LARGE1: variants seen among roughly 807,000 people sequenced by gnomAD.
LARGE1 encodes the protein xylosyl- and glucuronyltransferase LARGE1.
A neutral mutation model predicts 87.6 loss-of-function variants in LARGE1; 43 were observed. That is an observed-to-expected ratio of 0.49 (90% CI 0.38 to 0.63). The LOEUF is 0.63. Among genes scored for constraint, LARGE1 ranks in the 30% least tolerant of loss-of-function variants. The pLI is 0.00. For missense variants in LARGE1, 802 were observed against 1,000.2 expected, an observed-to-expected ratio of 0.80 and a Z score of 2.67; for synonymous variants, 434 against 394.6, an observed-to-expected ratio of 1.10 and a Z score of -1.18.
chr22:33,289,987 G>A (rs566194084), intron 12 of LARGE1, among the ~76,000 whole-genome samples: 2 of 152,236 alleles, frequency 1.3e-5, no homozygotes, highest in South Asian at 4.2e-4. Context: ...CCAAATGAAG[G>A]GGTAGGGGTG....
chr22:33,616,998 G>T (rs116761853), intron 4 of LARGE1, among the ~76,000 whole-genome samples: 1,581 of 152,308 alleles, frequency 0.01, 30 homozygotes, highest in African/African-American at 0.036. Flanking sequence ...GGCAAATATT[G>T]GAATGTTGGT....
chr22:33,520,637 T>C lies in LARGE1; in HGVS notation c.787+44211A>G, dbSNP rs145206368. Among the ~76,000 whole-genome samples, 4 of 152,332 alleles carry C rather than the reference T, an allele frequency of 2.6e-5. No homozygotes were observed. The East Asian group carries it at 5.8e-4, about 22-fold the overall frequency. ...CTTTCTGTTCACATCTGAATCCTAA[T>C]CCCAGTCTGCTCTGCCTGACTCCCG... On this transcript the variant is annotated intron_variant, in intron 6 of 14. Transcript: ENST00000397394.
At chr22:33,181,827 CTT>C (rs56347007) in intron 11 of LARGE1, among the ~76,000 whole-genome samples, 2,774 of 128,406 alleles carry the variant, frequency 0.022, 61 homozygotes, top group Admixed American at 0.041. Context: ...TATGCCTGGC[CTT>C]TTTTTTTTTT....
chr22:33,300,564 T>G (rs1934013229), intron 12 of LARGE1, among the ~76,000 whole-genome samples: 1 of 151,998 alleles, frequency 6.6e-6, no homozygotes, highest in South Asian at 2.1e-4. Context: ...TTTTTGGAGA[T>G]GGAGTCTCAC....
At chr22:33,774,686 C>T (rs909563390) in intron 1 of LARGE1, among the ~76,000 whole-genome samples, 2 of 152,166 alleles carry the variant, frequency 1.3e-5, no homozygotes, top group Non-Finnish European at 2.9e-5. Context: ...TTTATTTAAC[C>T]TAGTATGCTT....
intron 6 of LARGE1, among the ~76,000 whole-genome samples, chr22:33,469,200 G>C (rs5754567): frequency 6.6e-6 from 1 of 152,136 alleles, no homozygotes; most frequent in Admixed American, 6.6e-5. Flanking sequence ...CAAAGGAGTA[G>C]AAACAGTTCT....
At chr22:33,620,791 C>T (rs188110059) in intron 4 of LARGE1, among the ~76,000 whole-genome samples, 5 of 152,184 alleles carry the variant, frequency 3.3e-5, no homozygotes, top group African/African-American at 1.2e-4. Context: ...GTGGTGCATG[C>T]CTATAGTCCC....
rs145067983 is a variant in LARGE1, at chr22:33,226,197, C to G, written c.1731-59365G>C. The stretch of plus-strand genomic sequence containing the variant: ...TCAAAAATCTTTTTGCTGCTTGTCA[C>G]CTCTCCTATTGGGCTGCTTCTCTGA... On this transcript the variant is annotated intron_variant, in intron 11 of 11. Transcript: ENST00000608642. Among the ~76,000 whole-genome samples the G allele has an allele frequency of 8.9e-3, 1,360 of 152,344 alleles. 24 individuals carry two copies. Among genetic ancestry groups the G allele is most frequent in the African/African-American group, 0.031 (1,292 of 41,574 alleles).
At chr22:33,410,727 C>T (rs957454124) in intron 7 of LARGE1, among the ~76,000 whole-genome samples, 4 of 152,070 alleles carry the variant, frequency 2.6e-5, no homozygotes, top group African/African-American at 9.7e-5. Flanking sequence ...CAACCACTCT[C>T]AAGCACTGAA....
intron 5 of LARGE1, among the ~76,000 whole-genome samples, chr22:33,587,859 C>A (rs1194980640): frequency 6.6e-6 from 1 of 151,926 alleles, no homozygotes; most frequent in Non-Finnish European, 1.5e-5. Context: ...TCAATCAATA[C>A]AAAATTTATT....
chr22:33,628,853 G>A (rs2080013362), intron 3 of LARGE1, among the ~76,000 whole-genome samples: 1 of 152,106 alleles, frequency 6.6e-6, no homozygotes, highest in Non-Finnish European at 1.5e-5. Context: ...TGGTGGGTCT[G>A]GGGTGGGGGG....
intron 9 of LARGE1, among the ~76,000 whole-genome samples, chr22:33,344,866 A>C (rs1322548091): frequency 3.0e-5 from 1 of 32,888 alleles, no homozygotes; most frequent in East Asian, 1.0e-3. Flanking sequence ...TGGTCCCTTG[A>C]GGGAAAGGAT....
intron 1 of LARGE1, among the ~76,000 whole-genome samples, chr22:33,850,937 T>C (rs2063566458): frequency 6.6e-6 from 1 of 152,198 alleles, no homozygotes; most frequent in South Asian, 2.1e-4. Context: ...AGCAAGTCTA[T>C]AGCTGCTGAA....
intron 11 of LARGE1, among the ~76,000 whole-genome samples, chr22:33,180,152 T>C (rs543613328): frequency 2.0e-5 from 3 of 152,266 alleles, no homozygotes; most frequent in Admixed American, 6.5e-5. Flanking sequence ...CTGTGAGAAA[T>C]ACATTTCTGG....
At chr22:33,568,322 G>A (rs1201818201) in intron 5 of LARGE1, among the ~76,000 whole-genome samples, 5 of 152,188 alleles carry the variant, frequency 3.3e-5, no homozygotes, top group Admixed American at 2.0e-4. Flanking sequence ...GGAAACCAGA[G>A]CGAAAGCGAG....
chr22:33,420,886 G>A (rs1366080772), intron 7 of LARGE1, among the ~76,000 whole-genome samples: 1 of 152,104 alleles, frequency 6.6e-6, no homozygotes, highest in Non-Finnish European at 1.5e-5. Context: ...TACGTACTTC[G>A]AGTATTAAAG....
At chr22:33,743,810 G>A (rs891259510) in intron 2 of LARGE1, among the ~76,000 whole-genome samples, 1 of 152,218 alleles carries the variant, frequency 6.6e-6, no homozygotes, top group African/African-American at 2.4e-5. Context: ...CTACAATCCA[G>A]TAATTTGACT....
rs1026481686 is a variant in LARGE1 at position 33,273,716 on chromosome 22, G to A, written c.*711C>T. 14 of 398,616 alleles carry A rather than the reference G, an allele frequency of 3.5e-5. No individual in the cohort carries two copies. In the East Asian group the frequency reaches 4.3e-4, roughly 12 times the overall value. The allele number at this position is 398,616 out of a possible 1,614,324, so 24.7% of individuals were successfully genotyped here. On this transcript the variant is annotated 3_prime_UTR_variant, in exon 15 of 15. Transcript: ENST00000397394. Reference sequence around the variant, plus strand: ...TCCTGGGCCACTGCTGATAGAGGGTGGTTGGTAGAGGCAGCTGATTTTCCT... The same window carrying A: ...TCCTGGGCCACTGCTGATAGAGGGTAGTTGGTAGAGGCAGCTGATTTTCCT...
At chr22:33,787,960 C>T (rs550579342) in intron 1 of LARGE1, among the ~76,000 whole-genome samples, 2 of 152,232 alleles carry the variant, frequency 1.3e-5, no homozygotes, top group Admixed American at 6.5e-5. Flanking sequence ...TGTGGCCAAA[C>T]ACTATAAAGG....
Sources: gnomAD v4.1 joint callset for allele counts (sites outside exome capture counted in the v4.1 genomes callset) on GRCh38, gnomAD v4.1.1 for gene constraint, MANE v1.5 for transcripts, NCBI Gene and HGNC (gene_info 2026-07-23, HGNC 2026-07-21) for gene names.